Variants in DLGAP2 observed in about 807,000 individuals in gnomAD.
DLGAP2 encodes DLG associated protein 2.
Under a neutral mutation model 100.3 loss-of-function variants are expected in DLGAP2, and 26 were observed. The observed-to-expected ratio is 0.26, with a 90% confidence interval of 0.19 to 0.36. DLGAP2 has a LOEUF of 0.36. Ranked by LOEUF, DLGAP2 falls within the 10% of genes least tolerant of loss-of-function variation. The probability of loss-of-function intolerance (pLI) is 1.00; values close to 1 mark genes in which losing one functional copy is unlikely to be tolerated. For missense variants in DLGAP2, 1,858 were observed against 1,453.2 expected, an observed-to-expected ratio of 1.28 and a Z score of -4.53; for synonymous variants, 886 against 630.1, an observed-to-expected ratio of 1.41 and a Z score of -6.08.
intron 2 of DLGAP2, among the ~76,000 whole-genome samples, chr8:1,006,431 G>A (rs919319587): frequency 1.4e-5 from 2 of 143,564 alleles, no homozygotes; most frequent in Admixed American, 7.1e-5. Flanking sequence ...CCTTTATCAC[G>A]TCGGGGGCGC....
At chr8:1,602,719 C>T (rs200980247) in intron 6 of DLGAP2, among the ~76,000 whole-genome samples, 153 of 152,232 alleles carry the variant, frequency 1.0e-3, no homozygotes, top group Middle Eastern at 3.2e-3. Flanking sequence ...ATTTATTCAT[C>T]CCACAAGTGT....
intron 3 of DLGAP2, among the ~76,000 whole-genome samples, chr8:1,454,138 G>A (rs747496909): frequency 2.0e-5 from 3 of 152,224 alleles, no homozygotes; most frequent in Non-Finnish European, 4.4e-5. Flanking sequence ...TTTCTGGGCT[G>A]GGGATGGGGT....
intron 2 of DLGAP2, among the ~76,000 whole-genome samples, chr8:1,235,215 C>T (rs368123917): frequency 8.9e-6 from 1 of 112,614 alleles, no homozygotes. Context: ...ATGTCTAGTT[C>T]TCTCACACAT....
chr8:871,733 G>A (rs1292896151), intron 1 of DLGAP2, among the ~76,000 whole-genome samples: 1 of 152,028 alleles, frequency 6.6e-6, no homozygotes, highest in African/African-American at 2.4e-5. Context: ...AGTACTTCTG[G>A]TCCCACGCAT....
At chr8:918,322 A>G (rs879113755) in intron 2 of DLGAP2, among the ~76,000 whole-genome samples, 1 of 152,234 alleles carries the variant, frequency 6.6e-6, no homozygotes, top group Admixed American at 6.5e-5. Context: ...GCCCCTTAAA[A>G]TGGTGAGTGT....
chr8:1,319,924 C>CT (rs1352646727), intron 3 of DLGAP2, among the ~76,000 whole-genome samples: 1 of 152,094 alleles, frequency 6.6e-6, no homozygotes, highest in African/African-American at 2.4e-5. Flanking sequence ...GACCCAGGGC[C>CT]TTTGAGAATG....
intron 2 of DLGAP2, among the ~76,000 whole-genome samples, chr8:1,139,614 G>A (rs941933178): frequency 1.2e-4 from 19 of 152,314 alleles, no homozygotes; most frequent in African/African-American, 4.1e-4. Context: ...TCAGTCCGTG[G>A]CAAGTAGGAA....
At chr8:747,522 A>C (rs969543199) in intron 1 of DLGAP2, among the ~76,000 whole-genome samples, 2 of 53,148 alleles carry the variant, frequency 3.8e-5, no homozygotes, top group African/African-American at 1.6e-4. Context: ...AGGCGGCTGG[A>C]GGGTGACCTT....
At chr8:801,632 G>A (rs1311185700) in intron 1 of DLGAP2, among the ~76,000 whole-genome samples, 1 of 152,168 alleles carries the variant, frequency 6.6e-6, no homozygotes, top group Non-Finnish European at 1.5e-5. Context: ...GGGCTGCTGG[G>A]ATGGGCTTTG....
chr8:1,497,270 A>G (rs910547626), intron 3 of DLGAP2, among the ~76,000 whole-genome samples: 3 of 152,232 alleles, frequency 2.0e-5, no homozygotes, highest in Non-Finnish European at 4.4e-5. Context: ...CGGCGCTGTC[A>G]GTTTCACAGC....
At position 822,570 on chromosome 8, in the gene DLGAP2, C is replaced by G. The variant is rs140369210; in HGVS notation, c.18+84745C>G. Among the ~76,000 whole-genome samples, 7 of 152,378 alleles carry G rather than the reference C, an allele frequency of 4.6e-5. No individual in the cohort carries two copies. The East Asian group carries it at 9.7e-4, about 21-fold the overall frequency. On this transcript the variant is annotated intron_variant, in intron 1 of 14. Coordinates refer to ENST00000637795, the MANE Select transcript of DLGAP2 (RefSeq NM_001346810.2). The stretch of plus-strand genomic sequence containing the variant: ...AGAGAGTAGGAGCAGGGCCACGTCA[C>G]TGCGTGTGCTCCGAATGAATCTGTG...
At chr8:1,536,706 G>A (rs373736262) in intron 4 of DLGAP2, among the ~76,000 whole-genome samples, 1 of 152,176 alleles carries the variant, frequency 6.6e-6, no homozygotes, top group African/African-American at 2.4e-5. Flanking sequence ...CCCGCGTTTG[G>A]TCTCATATTC....
intron 1 of DLGAP2, among the ~76,000 whole-genome samples, chr8:867,652 G>A (rs995056039): frequency 6.6e-6 from 1 of 152,186 alleles, no homozygotes; most frequent in Non-Finnish European, 1.5e-5. Flanking sequence ...ACACTGGCTC[G>A]GGTGTAGCCT....
At chr8:1,236,222 C>G (rs1313011503) in intron 2 of DLGAP2, among the ~76,000 whole-genome samples, 3 of 88,040 alleles carry the variant, frequency 3.4e-5, no homozygotes, top group African/African-American at 1.3e-4. Context: ...GGCGCCGTGT[C>G]TAGTTCTCTC....
intron 3 of DLGAP2, among the ~76,000 whole-genome samples, chr8:1,481,234 T>A (rs1054563112): frequency 2.0e-5 from 3 of 151,876 alleles, no homozygotes; most frequent in Admixed American, 2.0e-4. Context: ...GAGGCATTTT[T>A]AAAACCTCCT....
chr8:1,195,222 C>T (rs1466192805), intron 2 of DLGAP2, among the ~76,000 whole-genome samples: 1 of 152,204 alleles, frequency 6.6e-6, no homozygotes, highest in African/African-American at 2.4e-5. Context: ...GGGACTGGGG[C>T]TGCTGGTGTC....
chr8:1,211,808 G>A (rs959797486), intron 2 of DLGAP2, among the ~76,000 whole-genome samples: 2 of 152,248 alleles, frequency 1.3e-5, no homozygotes, highest in Admixed American at 6.5e-5. Context: ...CCGGGAGGTG[G>A]AGGTTGCAGT....
chr8:1,614,092 G>C (rs746890473), intron 6 of DLGAP2, among the ~76,000 whole-genome samples: 8 of 152,156 alleles, frequency 5.3e-5, no homozygotes, highest in Non-Finnish European at 7.4e-5. Flanking sequence ...CACTGCAAGT[G>C]TATGCCCTGG....
intron 3 of DLGAP2, among the ~76,000 whole-genome samples, chr8:1,496,773 A>G (rs911645923): frequency 6.6e-6 from 1 of 152,164 alleles, no homozygotes; most frequent in South Asian, 2.1e-4. Context: ...CACGCTCTCC[A>G]GGCGGCACCC....
Sources: allele counts gnomAD v4.1 joint callset (sites outside exome capture counted in the v4.1 genomes callset), GRCh38; gene constraint gnomAD v4.1.1; transcripts MANE v1.5; gene names NCBI Gene and HGNC (gene_info 2026-07-23, HGNC 2026-07-21).